Variants in PMFBP1 observed in about 807,000 individuals in gnomAD.
The protein encoded by PMFBP1 is polyamine-modulated factor 1-binding protein 1.
PMFBP1 carries 131 observed loss-of-function variants against 137.8 expected under a neutral mutation model. The observed-to-expected ratio is 0.95, with a 90% CI of 0.82 to 1.10. The LOEUF is 1.10. Among genes scored for constraint, PMFBP1 ranks in the 50% least tolerant of loss-of-function variants. The pLI, the probability that PMFBP1 is intolerant of heterozygous loss-of-function variation, is 0.00. For missense variants in PMFBP1, 1,199 were observed against 1,175.4 expected (o/e 1.02, Z -0.29); for synonymous variants, 490 against 450.4 (o/e 1.09, Z -1.11).
intron 19 of PMFBP1, among the ~76,000 whole-genome samples, chr16:72,122,520 G>A (rs770117233): frequency 2.6e-5 from 4 of 152,192 alleles, no homozygotes; most frequent in Non-Finnish European, 5.9e-5. Context: ...AACCTGGCCT[G>A]CTCACCTGAT....
At chr16:72,175,127 G>A (rs1015874005), upstream of PMFBP1, among the ~76,000 whole-genome samples, 3 of 152,228 alleles carry the variant, frequency 2.0e-5, no homozygotes, top group African/African-American at 7.2e-5. Context: ...AGGACAGAAT[G>A]CTCACTTTCC....
the PMFBP1 span, among the ~76,000 whole-genome samples, chr16:72,233,343 G>A: frequency 2.6e-5 from 4 of 152,078 alleles, no homozygotes; most frequent in Non-Finnish European, 5.9e-5. Flanking sequence ...AATAATAATG[G>A]ATGAAAAGAA....
intron 14 of PMFBP1, chr16:72,128,346 C>A: frequency 7.7e-7 from 1 of 1,304,062 alleles, no homozygotes. Flanking sequence ...TGTTCCCTAG[C>A]AAATTGCCCC....
intron 2 of PMFBP1, among the ~76,000 whole-genome samples, chr16:72,167,488 T>C (rs917793471): frequency 6.6e-6 from 1 of 152,206 alleles, no homozygotes; most frequent in African/African-American, 2.4e-5. Context: ...GGGACTCTCT[T>C]AAGACAATAT....
chr16:72,178,372 G>A (rs2043265608), upstream of PMFBP1, among the ~76,000 whole-genome samples: 2 of 152,156 alleles, frequency 1.3e-5, no homozygotes, highest in African/African-American at 4.8e-5. Context: ...TATTAAGGGA[G>A]ATACTTTAAG....
At chr16:72,122,318 G>A (rs2042388164) in intron 19 of PMFBP1, among the ~76,000 whole-genome samples, 4 of 152,210 alleles carry the variant, frequency 2.6e-5, no homozygotes. Flanking sequence ...GGGAAGCGCT[G>A]TCCTAAGGCT....
chr16:72,126,975 G>A (rs926523787), intron 14 of PMFBP1, among the ~76,000 whole-genome samples: 2 of 152,140 alleles, frequency 1.3e-5, no homozygotes, highest in Non-Finnish European at 2.9e-5. Context: ...TTTACTATAC[G>A]ACTATGAGTT....
rs770239257 is a variant in PMFBP1, at chr16:72,140,441, G to C, written c.778C>G (p.Arg260Gly). 6.2e-7 allele frequency: 1 copy of C among 1,614,022 alleles called. No homozygotes were observed. Among genetic ancestry groups the C allele is most frequent in the East Asian group, 2.2e-5 (1 of 44,876 alleles). Residue 260 changes from arginine to glycine, a missense_variant, in exon 6 of 21, where the codon CGA (arginine) becomes GGA (glycine). Physicochemically the swap from Arg to Gly is moderately radical, Grantham distance 125 (BLOSUM62 -2). Transcript: ENST00000237353. ...GCGTTACTGCAGGCCAGCTTATTTC[G>C]AAGTTCTTGAATGAGATCATCCTGT... ...SQQDDLIQEL[R>G]NKLACSNALV...
At chr16:72,150,080 G>T (rs1332330385) in intron 5 of PMFBP1, among the ~76,000 whole-genome samples, 1 of 152,160 alleles carries the variant, frequency 6.6e-6, no homozygotes, top group Admixed American at 6.5e-5. Context: ...AACAAATCAG[G>T]TGTTTCGACT....
the PMFBP1 span, among the ~76,000 whole-genome samples, chr16:72,233,347 A>T: frequency 6.6e-6 from 1 of 152,168 alleles, no homozygotes; most frequent in African/African-American, 2.4e-5. Flanking sequence ...ATAATGGATG[A>T]AAAGAATGAA....
At position 72,130,578 on chromosome 16, in the gene PMFBP1, A is replaced by G; in HGVS notation, c.1592T>C (p.Leu531Pro). 3 of 1,614,096 alleles carry G rather than the reference A, an allele frequency of 1.9e-6. No homozygotes were observed. The highest frequency in any genetic ancestry group is 2.5e-6 in the Non-Finnish European group (3 of 1,180,008). ...IQELQRELQMLQKESSMAEKE... is the reference protein window; with the variant it reads ...IQELQRELQMPQKESSMAEKE... ...CTCAGCCATCGAGGACTCCTTCTGC[A>G]GCATCTGAAGTTCTCTCTGTAGTTC... The change falls in exon 11 of 21, where the codon CTG (leucine) becomes CCG (proline). Residue 531 changes from leucine to proline, a missense_variant. Physicochemically the swap from Leu to Pro is moderately conservative, Grantham distance 98 (BLOSUM62 -3). Coordinates refer to ENST00000237353, the MANE Select transcript of PMFBP1 (RefSeq NM_031293.3).
chr16:72,188,892 C>T, the PMFBP1 span, among the ~76,000 whole-genome samples: 1 of 152,132 alleles, frequency 6.6e-6, no homozygotes, highest in Non-Finnish European at 1.5e-5. Context: ...TTTGCAGAGA[C>T]CTGCCTTGTG....
At chr16:72,152,311 A>G (rs145452442) in intron 4 of PMFBP1, among the ~76,000 whole-genome samples, 146 of 152,026 alleles carry the variant, frequency 9.6e-4, no homozygotes, top group African/African-American at 3.2e-3. Context: ...TCCTGTATGT[A>G]TTCTCCCGCT....
rs373939560 is a variant in PMFBP1 at position 72,119,846 on chromosome 16, C to A, written c.3007+5G>T. On this transcript the variant is annotated splice_donor_5th_base_variant and intron_variant, in intron 20 of 20. Coordinates refer to ENST00000237353, the MANE Select transcript of PMFBP1 (RefSeq NM_031293.3). Reference sequence around the variant, plus strand: ...ACTTATTTTTTTGACAAATGGCAGACGTACCCGGGCAGTGGGGCATCCCGA... The same window carrying A: ...ACTTATTTTTTTGACAAATGGCAGAAGTACCCGGGCAGTGGGGCATCCCGA... 1.9e-4 allele frequency: 311 copies of A among 1,610,908 alleles called. 2 individuals are homozygous for A. In the Admixed American group the frequency reaches 5.1e-3, roughly 27 times the overall value.
chr16:72,157,811 G>A (rs900466458), intron 3 of PMFBP1, among the ~76,000 whole-genome samples: 48 of 152,134 alleles, frequency 3.2e-4, no homozygotes, highest in African/African-American at 1.1e-3. Flanking sequence ...AAAGGATGAC[G>A]GCGTGGACCA....
chr16:72,118,516 C>CA (rs2042330228), downstream of PMFBP1, among the ~76,000 whole-genome samples: 1 of 152,184 alleles, frequency 6.6e-6, no homozygotes, highest in Non-Finnish European at 1.5e-5. Flanking sequence ...TACTGCCCCC[C>CA]TCAGAAGTGT....
At position 72,132,904 on chromosome 16, in the gene PMFBP1, G is replaced by C. The variant is rs750354258; in HGVS notation, c.1291C>G (p.Leu431Val). The C allele has an allele frequency of 1.4e-5, 22 of 1,614,110 alleles. No individual in the cohort carries two copies. The highest frequency in any genetic ancestry group is 1.9e-5 in the Non-Finnish European group (22 of 1,180,046). The change falls in exon 10 of 21, where the codon CTG becomes GTG. Residue 431 changes from leucine (L) to valine (V), a missense_variant. By Grantham distance (32) the Leu-to-Val change is conservative. Transcript: ENST00000237353. Reference protein sequence around the residue: ...QNSLLKKEKELEKQQCMATEL... With the variant: ...QNSLLKKEKEVEKQQCMATEL... ...GTGGCCATGCACTGCTGCTTCTCCAGCTCCTTCTCCTTTTTCAGGAGGCTG... is the reference window on the plus strand; with the variant it reads ...GTGGCCATGCACTGCTGCTTCTCCACCTCCTTCTCCTTTTTCAGGAGGCTG...
At position 72,124,766 on chromosome 16, in the gene PMFBP1, C is replaced by A; in HGVS notation, c.2589+1G>T. On this transcript the variant is annotated splice_donor_variant, in intron 17 of 20. Coordinates refer to ENST00000237353, the MANE Select transcript of PMFBP1 (RefSeq NM_031293.3). LOFTEE classifies it high-confidence loss of function. ...GCACGCAGAAGCCAAGGCATGCCCA[C>A]CTCCTTATCGTCCTCAAGGAGGTTC... The A allele has an allele frequency of 6.2e-7, 1 of 1,613,332 alleles. No individual in the cohort carries two copies. Among genetic ancestry groups the A allele is most frequent in the South Asian group, 1.1e-5 (1 of 90,978 alleles).
chr16:72,189,587 C>T, the PMFBP1 span, among the ~76,000 whole-genome samples: 1 of 152,158 alleles, frequency 6.6e-6, no homozygotes, highest in Non-Finnish European at 1.5e-5. Flanking sequence ...ACGGCAGAGT[C>T]CACAGTGTCA....
Sources: gnomAD v4.1 joint callset for allele counts (sites outside exome capture counted in the v4.1 genomes callset) on GRCh38, gnomAD v4.1.1 for gene constraint, MANE v1.5 for transcripts, NCBI Gene and HGNC (gene_info 2026-07-23, HGNC 2026-07-21) for gene names.